The following INO80D variants were observed in gnomAD, a reference collection of about 807,000 sequenced individuals.
INO80D encodes the protein INO80 complex subunit D.
INO80D carries 21 observed loss-of-function variants against 87.6 expected under a neutral mutation model. The observed-to-expected ratio is 0.24, with a 90% confidence interval of 0.17 to 0.35. The LOEUF (loss-of-function observed/expected upper bound fraction) is 0.35. INO80D is among the 10% of genes least tolerant of loss of function. The pLI is 1.00. For missense variants in INO80D, 982 were observed against 1,280.7 expected, an observed-to-expected ratio of 0.77 and a Z score of 3.56; for synonymous variants, 440 against 491.0, an observed-to-expected ratio of 0.90 and a Z score of 1.37.
Position 206,017,918 on chromosome 2 carries a change from A to T in INO80D, c.1409-105T>A, listed in dbSNP as rs1042241684. 3.2e-6 allele frequency: 3 copies of T among 947,062 alleles called. No individual in the cohort carries two copies. In the African/African-American group the frequency reaches 5.0e-5, roughly 16 times the overall value. The allele number at this position is 947,062 out of a possible 1,614,324, so 58.7% of individuals were successfully genotyped here. On this transcript the variant is annotated intron_variant, in intron 7 of 10. Coordinates refer to ENST00000403263, the MANE Select transcript of INO80D (RefSeq NM_017759.5). ...ACATTTCATAAGTACAAGCTTTATT[A>T]TCCATAATATAAATATTACCCATAT... is the stretch of plus-strand genomic sequence containing the variant.
At position 205,996,170 on chromosome 2, in the gene INO80D, A is replaced by G. The variant is rs996895703; in HGVS notation, c.*8198T>C. 1 of 152,068 alleles carries G rather than the reference A, an allele frequency of 6.6e-6. No homozygotes were observed. The highest frequency in any genetic ancestry group is 6.6e-5 in the Admixed American group (1 of 15,264). The allele number at this position is 152,068 out of a possible 1,614,324, so 9.4% of individuals were successfully genotyped here. A position where few individuals can be genotyped will look rare whatever the true frequency, so the allele number is the denominator to read the frequency against. ...TGAATGCCCAAGTCTCAAAATTCCT[A>G]TTGATAATATTACCAAAACTTGTAT... On this transcript the variant is annotated 3_prime_UTR_variant, in exon 11 of 11. Coordinates refer to ENST00000403263, the MANE Select transcript of INO80D (RefSeq NM_017759.5).
intron 4 of INO80D, among the ~76,000 whole-genome samples, chr2:206,055,681 C>T (rs1452459391): frequency 1.3e-5 from 2 of 152,210 alleles, no homozygotes; most frequent in African/African-American, 2.4e-5. Context: ...GCAAGTGTTA[C>T]ACCCTCCAGT....
At chr2:206,033,131 G>C (rs1688810376) in intron 5 of INO80D, among the ~76,000 whole-genome samples, 1 of 152,130 alleles carries the variant, frequency 6.6e-6, no homozygotes. Flanking sequence ...TAAAGGCACA[G>C]AAAAAGGCAT....
In INO80D at chr2:205,999,535, T is replaced by C. The variant is rs968388840; in HGVS notation, c.*4833A>G. On this transcript the variant is annotated 3_prime_UTR_variant, in exon 11 of 11. Coordinates refer to ENST00000403263, the MANE Select transcript of INO80D (RefSeq NM_017759.5). ...CACATTTCCTCTTATTAGCTCTGTA[T>C]CACAGTGCAGAGAAAAACTAACAAA... 4.6e-5 allele frequency: 7 copies of C among 151,134 alleles called. No homozygotes were observed. In the East Asian group the frequency reaches 1.4e-3, roughly 29 times the overall value. 9.4% of individuals were successfully genotyped at this position (151,134 alleles called of 1,614,324 possible). A position where few individuals can be genotyped will look rare whatever the true frequency, so the allele number is the denominator to read the frequency against.
chr2:206,011,842 TAAAC>T, intron 8 of INO80D, among the ~76,000 whole-genome samples: 1 of 152,190 alleles, frequency 6.6e-6, no homozygotes, highest in Admixed American at 6.5e-5. Flanking sequence ...ATACAGAAAA[TAAAC>T]AAACTAATGA....
intron 8 of INO80D, among the ~76,000 whole-genome samples, chr2:206,015,748 G>A (rs771266015): frequency 6.6e-5 from 10 of 152,050 alleles, no homozygotes; most frequent in South Asian, 4.1e-4. Context: ...TTAGCCAAGC[G>A]TGGTGGCACA....
intron 1 of INO80D, among the ~76,000 whole-genome samples, chr2:206,084,236 TACATACAC>T (rs1239123543): frequency 2.2e-4 from 23 of 103,554 alleles, no homozygotes; most frequent in African/African-American, 8.7e-4. Context: ...TTAAATGTTA[TACATACAC>T]ACACACACAC....
chr2:206,025,300 G>A (rs1464921554), intron 6 of INO80D, among the ~76,000 whole-genome samples: 1 of 150,972 alleles, frequency 6.6e-6, no homozygotes, highest in African/African-American at 2.4e-5. Flanking sequence ...GGCCGAGGTG[G>A]GTGGATCACC....
intron 3 of INO80D, among the ~76,000 whole-genome samples, chr2:206,060,714 C>A (rs892969531): frequency 6.6e-6 from 1 of 151,884 alleles, no homozygotes; most frequent in Non-Finnish European, 1.5e-5. Flanking sequence ...GCATGTGCCA[C>A]CACACCCGGC....
chr2:206,050,925 C>G (rs1231529838), intron 4 of INO80D, among the ~76,000 whole-genome samples: 1 of 151,998 alleles, frequency 6.6e-6, no homozygotes, highest in Non-Finnish European at 1.5e-5. Context: ...GCCGAGATCC[C>G]GCCACTGCAC....
In INO80D at chr2:206,085,816, G is replaced by T. The variant is rs558936180; in HGVS notation, c.-124+85C>A. On this transcript the variant is annotated intron_variant, in intron 1 of 10. Transcript: ENST00000403263. The surrounding 1 kb of genome is among the most constrained non-coding windows in gnomAD (Gnocchi z 4.5). ...TCCCCGGCCTCACGTAAGCGCGCTCGCCGCCCGCCCAGCCTGCGCGGCCCA... is the reference window on the plus strand; with the variant it reads ...TCCCCGGCCTCACGTAAGCGCGCTCTCCGCCCGCCCAGCCTGCGCGGCCCA... 6.6e-6 allele frequency: 1 copy of T among 151,710 alleles called. No homozygotes were observed. Among genetic ancestry groups the T allele is most frequent in the Non-Finnish European group, 1.5e-5 (1 of 68,016 alleles). The allele number at this position is 151,710 out of a possible 1,614,324, so 9.4% of individuals were successfully genotyped here.
intron 6 of INO80D, among the ~76,000 whole-genome samples, chr2:206,027,240 T>C (rs1168166699): frequency 6.6e-6 from 1 of 152,146 alleles, no homozygotes; most frequent in Non-Finnish European, 1.5e-5. Flanking sequence ...CTCTCATGAA[T>C]GGTAACAAGA....
chr2:206,084,074 CT>C (rs543296877), intron 1 of INO80D, among the ~76,000 whole-genome samples: 6,241 of 143,228 alleles, frequency 0.044, 166 homozygotes, highest in Non-Finnish European at 0.06. Context: ...ATGTTTATCA[CT>C]TTTTTTTTTT....
chr2:206,035,726 T>G (rs200296780), intron 5 of INO80D, among the ~76,000 whole-genome samples: 48 of 152,074 alleles, frequency 3.2e-4, no homozygotes, highest in African/African-American at 1.1e-3. Flanking sequence ...GATAAATAGC[T>G]GGGACGTAAT....
At chr2:206,027,156 GCA>G (rs34673264) in intron 6 of INO80D, among the ~76,000 whole-genome samples, 62,146 of 151,188 alleles carry the variant, frequency 0.41, 13,050 homozygotes, top group East Asian at 0.56. Context: ...GCGCGCACGC[GCA>G]CACACACACA....
At chr2:206,040,741 G>T (rs1009239854) in intron 5 of INO80D, 4 of 283,184 alleles carry the variant, frequency 1.4e-5, no homozygotes, top group South Asian at 3.5e-5. Flanking sequence ...TGTCTTCAGA[G>T]ATCCTGCTCT....
At chr2:206,063,994 A>G (rs1689751375) in intron 1 of INO80D, among the ~76,000 whole-genome samples, 1 of 152,196 alleles carries the variant, frequency 6.6e-6, no homozygotes, top group African/African-American at 2.4e-5. Flanking sequence ...TGAAATACAA[A>G]ATAAATTTTG....
chr2:206,011,963 A>G (rs918770483), intron 8 of INO80D, among the ~76,000 whole-genome samples: 1 of 152,226 alleles, frequency 6.6e-6, no homozygotes, highest in Admixed American at 6.5e-5. Context: ...GAGACAACAC[A>G]TGGTAACAAA....
intron 5 of INO80D, among the ~76,000 whole-genome samples, chr2:206,036,690 G>A (rs756892104): frequency 1.3e-5 from 2 of 151,986 alleles, no homozygotes; most frequent in Non-Finnish European, 2.9e-5. Context: ...AATACCACCT[G>A]TACCCCAATA....
Sources: gnomAD v4.1 joint callset for allele counts (sites outside exome capture counted in the v4.1 genomes callset) on GRCh38, gnomAD v4.1.1 for gene constraint, Gnocchi (gnomAD v3.1) non-coding constraint, MANE v1.5 for transcripts, NCBI Gene and HGNC (gene_info 2026-07-23, HGNC 2026-07-21) for gene names.